Variants in ZNF519 observed in about 807,000 individuals in gnomAD.
The protein encoded by ZNF519 is similar to Zinc finger protein 85 (Zinc finger protein HPF4) (HTF1).
A neutral mutation model predicts 7.4 loss-of-function variants in ZNF519; 7 were observed. The ratio of observed to expected loss-of-function variants is 0.94; its 90% CI spans 0.54 to 1.77. The LOEUF (loss-of-function observed/expected upper bound fraction) is 1.77, where lower values mean the gene tolerates loss of function less well. ZNF519 is among the 40% of genes most tolerant of loss of function. ZNF519 has a pLI of 0.00. For synonymous variants in ZNF519, 179 were observed against 203.3 expected, an observed-to-expected ratio of 0.88 and a Z score of 1.02; for missense variants, 586 against 623.1, an observed-to-expected ratio of 0.94 and a Z score of 0.63.
intron 1 of ZNF519, among the ~76,000 whole-genome samples, chr18:14,125,230 C>T (rs1171825906): frequency 1.3e-5 from 2 of 152,200 alleles, no homozygotes; most frequent in Non-Finnish European, 2.9e-5. Flanking sequence ...ACTTGGCATT[C>T]TCTGCAGGCC....
At chr18:14,074,700 T>C (rs796419879), downstream of ZNF519, 7 of 152,340 alleles carry the variant, frequency 4.6e-5, no homozygotes, top group African/African-American at 1.7e-4. Context: ...GCCTGGACTT[T>C]ATTGCTATCA....
intron 2 of ZNF519, among the ~76,000 whole-genome samples, chr18:14,113,691 A>ATTT (rs56144421): frequency 1.4e-5 from 2 of 140,640 alleles, no homozygotes; most frequent in Non-Finnish European, 1.6e-5. Flanking sequence ...TAGTAGCTCT[A>ATTT]TTTTTTTTTT....
At chr18:14,092,086 T>C (rs2046116873) in intron 2 of ZNF519, among the ~76,000 whole-genome samples, 1 of 152,144 alleles carries the variant, frequency 6.6e-6, no homozygotes, top group African/African-American at 2.4e-5. Flanking sequence ...TGGGAGGCCG[T>C]ACCAGTGAAT....
At chr18:14,124,276 AAG>A (rs2046285098) in intron 2 of ZNF519, 72 bp downstream of exon 2, 1 of 1,418,236 alleles carries the variant, frequency 7.1e-7, no homozygotes, top group South Asian at 1.5e-5. Flanking sequence ...AGAAGCTCTC[AAG>A]AGACAGTCTA....
chr18:14,076,229 A>C (rs2046047224), exon 5 of ZNF519: 1 of 152,112 alleles, frequency 6.6e-6, no homozygotes, highest in African/African-American at 2.4e-5. Context: ...TCAGGTTTTT[A>C]AAAATGGTTG....
At position 14,103,734 on chromosome 18, in the gene ZNF519, A is replaced by T. The variant is rs1202398767; in HGVS notation, c.*1183T>A. 2 of 152,120 alleles carry T rather than the reference A, an allele frequency of 1.3e-5. No homozygotes were observed. Among genetic ancestry groups the T allele is most frequent in the South Asian group, 2.1e-4 (1 of 4,834 alleles). 9.4% of individuals were successfully genotyped at this position (152,120 alleles called of 1,614,324 possible). On this transcript the variant is annotated 3_prime_UTR_variant, in exon 3 of 3. Coordinates refer to ENST00000590202, the MANE Select transcript of ZNF519 (RefSeq NM_145287.4). ...GTTTAATACCACTAAGGGTAAAAAA[A>T]TGCTAAAGACAGCATGAACTAGACA...
chr18:14,090,322 T>C (rs1004371679), intron 2 of ZNF519: 1 of 152,204 alleles, frequency 6.6e-6, no homozygotes, highest in Non-Finnish European at 1.5e-5. Flanking sequence ...ATAGCCACCC[T>C]TGCCGAGGCT....
chr18:14,115,531 C>T (rs573370738), intron 2 of ZNF519, among the ~76,000 whole-genome samples: 17 of 152,064 alleles, frequency 1.1e-4, no homozygotes, highest in Non-Finnish European at 2.1e-4. Flanking sequence ...AGTTTATAAC[C>T]GGATTAAAAA....
At chr18:14,076,831 T>A (rs927605838) in exon 5 of ZNF519, 6 of 152,188 alleles carry the variant, frequency 3.9e-5, no homozygotes, top group Non-Finnish European at 7.4e-5. Context: ...ACTGACTTCA[T>A]GAAGGAAAGC....
chr18:14,108,027 C>A (rs750433268), intron 2 of ZNF519, among the ~76,000 whole-genome samples: 1 of 152,142 alleles, frequency 6.6e-6, no homozygotes, highest in Non-Finnish European at 1.5e-5. Context: ...AAGGATACAA[C>A]GCTGGCAAGC....
intron 2 of ZNF519, chr18:14,090,340 G>T (rs2046109374): frequency 6.6e-6 from 1 of 152,192 alleles, no homozygotes; most frequent in Non-Finnish European, 1.5e-5. Context: ...GCTTACAGAA[G>T]GGCAAAGACC....
Position 14,104,889 on chromosome 18 carries a change from T to TA in ZNF519, c.*27dup. 1 of 1,507,560 alleles carries TA rather than the reference T, an allele frequency of 6.6e-7. No homozygotes were observed. Among genetic ancestry groups the TA allele is most frequent in the Non-Finnish European group, 8.9e-7 (1 of 1,129,890 alleles). 93.4% of individuals were successfully genotyped at this position (1,507,560 alleles called of 1,614,324 possible). On this transcript the variant is annotated 3_prime_UTR_variant, in exon 3 of 3. Coordinates refer to ENST00000590202, the MANE Select transcript of ZNF519 (RefSeq NM_145287.4). ...AGGTGTGAGCACCAGTTTAGGGTTT[T>TA]AGCACATTCTTTACACTTGCAGGGT...
chr18:14,124,500 C>T, intron 1 of ZNF519, 24 bp from the exon 2 acceptor site: 1 of 1,601,692 alleles, frequency 6.2e-7, no homozygotes, highest in South Asian at 1.1e-5. Flanking sequence ...TATCAAGTGA[C>T]AGAGCTCTTA....
downstream of ZNF519, among the ~76,000 whole-genome samples, chr18:14,097,167 G>A (rs1481856790): frequency 6.6e-6 from 1 of 152,164 alleles, no homozygotes; most frequent in Non-Finnish European, 1.5e-5. Flanking sequence ...TGAGAGGTGA[G>A]CAGTAAAAAC....
chr18:14,118,051 A>G (rs1008371678), intron 2 of ZNF519, among the ~76,000 whole-genome samples: 1 of 152,102 alleles, frequency 6.6e-6, no homozygotes, highest in Non-Finnish European at 1.5e-5. Flanking sequence ...TGTGCCTTAT[A>G]TATACAATGA....
At chr18:14,075,419 G>A (rs2046043992), downstream of ZNF519, 1 of 152,266 alleles carries the variant, frequency 6.6e-6, no homozygotes, top group Non-Finnish European at 1.5e-5. Context: ...GGCTGACTGT[G>A]ATGGCCTAGA....
chr18:14,109,419 C>T (rs2046210431), intron 2 of ZNF519, among the ~76,000 whole-genome samples: 1 of 152,114 alleles, frequency 6.6e-6, no homozygotes, highest in Non-Finnish European at 1.5e-5. Context: ...ACACATTTTT[C>T]TCTGCAGTGC....
intron 2 of ZNF519, among the ~76,000 whole-genome samples, chr18:14,111,627 T>G (rs1408102285): frequency 6.6e-6 from 1 of 151,908 alleles, no homozygotes; most frequent in Non-Finnish European, 1.5e-5. Flanking sequence ...CTGCAGGAAT[T>G]CAAGATCATT....
chr18:14,124,491 A>G lies in ZNF519; in HGVS notation c.4-15T>C, dbSNP rs1324302468. ...GTTAAGAGTTCCTGGAAACACATAT[A>G]TCAAGTGACAGAGCTCTTAATTTGA... On this transcript the variant is annotated splice_polypyrimidine_tract_variant and intron_variant, in intron 1 of 2. Transcript: ENST00000590202. The G allele has an allele frequency of 6.2e-7, 1 of 1,604,678 alleles. No individual in the cohort carries two copies.
Sources: allele counts gnomAD v4.1 joint callset (sites outside exome capture counted in the v4.1 genomes callset), GRCh38; gene constraint gnomAD v4.1.1; transcripts MANE v1.5; gene names NCBI Gene and HGNC (gene_info 2026-07-23, HGNC 2026-07-21).